Variants in DLGAP2 observed in about 807,000 individuals in gnomAD.
DLGAP2 encodes DLG associated protein 2.
A neutral mutation model predicts 100.3 loss-of-function variants in DLGAP2; 26 were observed. That is an observed-to-expected ratio of 0.26 (90% confidence interval 0.19 to 0.36). The LOEUF (loss-of-function observed/expected upper bound fraction) is 0.36. DLGAP2 is among the 10% of genes least tolerant of loss of function. The pLI is 1.00. For missense variants in DLGAP2, 1,858 were observed against 1,453.2 expected (o/e 1.28, Z -4.53); for synonymous variants, 886 against 630.1 (o/e 1.41, Z -6.08).
rs1411435176 is a variant in DLGAP2 at position 1,669,737 on chromosome 8, G to C, written c.2161-6G>C. ...CTCCACACTGTGGCTTCATTGTTTT[G>C]TTTAGGATTCTGAATTCCCAGAGCA... On this transcript the variant is annotated splice_region_variant and splice_polypyrimidine_tract_variant and intron_variant, in intron 9 of 14. Coordinates refer to ENST00000637795, the MANE Select transcript of DLGAP2 (RefSeq NM_001346810.2). The C allele has an allele frequency of 1.3e-6, 1 of 780,912 alleles. No homozygotes were observed. The allele number at this position is 780,912 out of a possible 1,614,324, so 48.4% of individuals were successfully genotyped here.
chr8:1,521,805 C>T (rs1172280816), intron 4 of DLGAP2, among the ~76,000 whole-genome samples: 2 of 139,926 alleles, frequency 1.4e-5, no homozygotes, highest in Non-Finnish European at 1.5e-5. Context: ...TGATATGGGG[C>T]ATCTGGTTTG....
intron 2 of DLGAP2, among the ~76,000 whole-genome samples, chr8:913,154 C>A (rs1006033730): frequency 6.6e-6 from 1 of 152,208 alleles, no homozygotes; most frequent in Non-Finnish European, 1.5e-5. Context: ...TGGAAGCCTA[C>A]AGGTTGGCAG....
intron 3 of DLGAP2, among the ~76,000 whole-genome samples, chr8:1,468,995 A>G (rs1269117053): frequency 1.3e-5 from 2 of 152,178 alleles, no homozygotes; most frequent in Non-Finnish European, 2.9e-5. Context: ...ACTTGGGGCC[A>G]CTGCAAAGAC....
At chr8:1,217,416 A>T (rs184655866) in intron 2 of DLGAP2, among the ~76,000 whole-genome samples, 67 of 152,310 alleles carry the variant, frequency 4.4e-4, no homozygotes, top group Non-Finnish European at 7.3e-4. Context: ...TGTGATGAAC[A>T]CAGGGGAGTG....
intron 2 of DLGAP2, among the ~76,000 whole-genome samples, chr8:913,009 C>G (rs917168937): frequency 2.0e-5 from 3 of 152,210 alleles, no homozygotes; most frequent in Non-Finnish European, 4.4e-5. Context: ...TGTGCATTGG[C>G]AAAATGAAAT....
At chr8:1,381,440 G>A (rs567611289) in intron 3 of DLGAP2, 1 of 152,348 alleles carries the variant, frequency 6.6e-6, no homozygotes, top group South Asian at 2.1e-4. Context: ...ATGATGATTT[G>A]ATGTCTGTGC....
At chr8:1,337,420 A>ATGT (rs1353782661) in intron 3 of DLGAP2, among the ~76,000 whole-genome samples, 1 of 2,178 alleles carries the variant, frequency 4.6e-4, no homozygotes. Flanking sequence ...GATGGTGAGG[A>ATGT]TGATGGTGAT....
At chr8:833,224 G>A (rs549977161) in intron 1 of DLGAP2, among the ~76,000 whole-genome samples, 4 of 152,318 alleles carry the variant, frequency 2.6e-5, no homozygotes, top group East Asian at 1.9e-4. Context: ...TTGGGAAGGC[G>A]CACTGGGGGA....
intron 6 of DLGAP2, among the ~76,000 whole-genome samples, chr8:1,614,873 A>AC (rs1797100422): frequency 6.6e-6 from 1 of 152,172 alleles, no homozygotes; most frequent in South Asian, 2.1e-4. Context: ...ACACACACAC[A>AC]CGCATGCCCT....
At chr8:1,356,104 G>A (rs1801844812) in intron 3 of DLGAP2, among the ~76,000 whole-genome samples, 1 of 152,332 alleles carries the variant, frequency 6.6e-6, no homozygotes, top group South Asian at 2.1e-4. Context: ...GGACAAGGTG[G>A]GCCCCACTGG....
chr8:1,642,185 A>G (rs868642091), intron 8 of DLGAP2, among the ~76,000 whole-genome samples: 1 of 29,134 alleles, frequency 3.4e-5, no homozygotes, highest in Non-Finnish European at 5.7e-5. Context: ...GTCACCCTCC[A>G]ACCCGCCGGT....
At chr8:1,669,552 C>T (rs1244649869) in intron 9 of DLGAP2, among the ~76,000 whole-genome samples, 191 bp from the exon 10 acceptor site, 2 of 152,244 alleles carry the variant, frequency 1.3e-5, no homozygotes, top group South Asian at 2.1e-4. Flanking sequence ...CTGCGTTCCT[C>T]GGAGCTTTAA....
intron 3 of DLGAP2, among the ~76,000 whole-genome samples, chr8:1,280,402 C>A (rs1443288051): frequency 6.6e-6 from 1 of 152,170 alleles, no homozygotes; most frequent in Non-Finnish European, 1.5e-5. Flanking sequence ...ACTTATTTAT[C>A]TCTATTTAAT....
At chr8:1,603,992 A>T (rs886878404) in intron 6 of DLGAP2, among the ~76,000 whole-genome samples, 16 of 151,912 alleles carry the variant, frequency 1.1e-4, no homozygotes, top group African/African-American at 3.9e-4. Flanking sequence ...CCGCGTCGGC[A>T]CCTCTCCTCA....
At chr8:1,493,534 A>G (rs867771588) in intron 3 of DLGAP2, among the ~76,000 whole-genome samples, 17 of 152,240 alleles carry the variant, frequency 1.1e-4, no homozygotes, top group Non-Finnish European at 1.6e-4. Context: ...ACCCAGAGAC[A>G]CACCTGAACG....
chr8:1,176,150 A>G (rs979340003), intron 2 of DLGAP2, among the ~76,000 whole-genome samples: 1 of 152,176 alleles, frequency 6.6e-6, no homozygotes, highest in African/African-American at 2.4e-5. Flanking sequence ...GAAACTTACA[A>G]TTGTGGTGGA....
intron 4 of DLGAP2, among the ~76,000 whole-genome samples, chr8:1,538,568 C>T (rs933751151): frequency 2.6e-5 from 4 of 152,194 alleles, no homozygotes; most frequent in Non-Finnish European, 5.9e-5. Context: ...GCATTCTGTG[C>T]AGGTACAGAA....
chr8:803,800 T>C (rs1796216015), intron 1 of DLGAP2, among the ~76,000 whole-genome samples: 1 of 152,224 alleles, frequency 6.6e-6, no homozygotes, highest in African/African-American at 2.4e-5. Context: ...GCTAAAATCA[T>C]GAGCATAATG....
At chr8:1,137,138 G>A (rs1796431841) in intron 2 of DLGAP2, among the ~76,000 whole-genome samples, 3 of 152,166 alleles carry the variant, frequency 2.0e-5, no homozygotes, top group South Asian at 2.1e-4. Flanking sequence ...AGCTTGCAGC[G>A]TGGCCTCCTC....
Sources: gnomAD v4.1 joint callset for allele counts (sites outside exome capture counted in the v4.1 genomes callset) on GRCh38, gnomAD v4.1.1 for gene constraint, MANE v1.5 for transcripts, NCBI Gene and HGNC (gene_info 2026-07-23, HGNC 2026-07-21) for gene names.